Variants in MAOA observed in about 807,000 individuals in gnomAD.
MAOA encodes the protein amine oxidase [flavin-containing] A.
Under a neutral mutation model 42.0 loss-of-function variants are expected in MAOA, and 6 were observed. The observed-to-expected ratio is 0.14, with a 90% CI of 0.08 to 0.28. MAOA has a LOEUF of 0.28. Ranked by LOEUF, MAOA falls within the 10% of genes least tolerant of loss-of-function variation. The pLI is 1.00. For synonymous variants in MAOA, 140 were observed against 154.0 expected (o/e 0.91, Z 0.67); for missense variants, 262 against 422.3 (o/e 0.62, Z 3.33).
intron 1 of MAOA, among the ~76,000 whole-genome samples, chrX:43,658,852 A>C (rs994489106): frequency 1.2e-4 from 14 of 112,022 alleles, no homozygotes; most frequent in African/African-American, 4.6e-4. Flanking sequence ...TGAGTGTTTC[A>C]TGAGCGGGTG....
At chrX:43,742,705 C>A (rs1441884931) in intron 12 of MAOA, among the ~76,000 whole-genome samples, 1 of 112,014 alleles carries the variant, frequency 8.9e-6, no homozygotes, top group Non-Finnish European at 1.9e-5. Flanking sequence ...AGAGTCCTCC[C>A]AGCCTGGATG....
At chrX:43,710,780 A>C (rs1030552959) in intron 3 of MAOA, among the ~76,000 whole-genome samples, 2 of 112,008 alleles carry the variant, frequency 1.8e-5, no homozygotes, top group Non-Finnish European at 3.8e-5. Context: ...GGTTTCTAAT[A>C]ATGAATGAGC....
In MAOA at chrX:43,731,723, G is replaced by T; in HGVS notation, c.825G>T (p.Pro275=). Residue 275 remains proline (P), a synonymous_variant, in exon 8 of 15, where the codon CCG becomes CCT. Coordinates refer to ENST00000338702, the MANE Select transcript of MAOA (RefSeq NM_000240.4). ...ECKYVINAIP[P]TLTAKIHFRP... ...AATACGTAATTAATGCGATCCCTCC[G>T]ACCTTGACTGCCAAGATTCACTTCA... The T allele has an allele frequency of 1.7e-6, 2 of 1,211,081 alleles. No homozygotes were observed.
At position 43,743,913 on chromosome X, in the gene MAOA, G is replaced by A. The variant is rs1230407629; in HGVS notation, c.1374+8G>A. 7.7e-6 allele frequency: 9 copies of A among 1,168,609 alleles called. No homozygotes were observed. The highest frequency in any genetic ancestry group is 9.2e-6 in the Non-Finnish European group (8 of 873,550). On this transcript the variant is annotated splice_region_variant and intron_variant, in intron 13 of 14. Transcript: ENST00000338702. ...GAACGAGCAGCTAGGGAGGTAAGCA[G>A]GAAAGCCCAGGCTCTCTCCCTCCCG...
At chrX:43,719,155 C>T (rs749945216) in intron 5 of MAOA, among the ~76,000 whole-genome samples, 26 of 110,835 alleles carry the variant, frequency 2.3e-4, no homozygotes, top group African/African-American at 8.5e-4. Context: ...CAGTATCTTT[C>T]AGGAATGTGG....
At chrX:43,729,962 G>C (rs751782963) in intron 6 of MAOA, among the ~76,000 whole-genome samples, 3 of 110,638 alleles carry the variant, frequency 2.7e-5, no homozygotes, top group African/African-American at 9.9e-5. Flanking sequence ...TGGAGGCCAA[G>C]GAGGGTGGAT....
chrX:43,732,207 GC>G (rs1281307053), intron 8 of MAOA, among the ~76,000 whole-genome samples: 1 of 111,838 alleles, frequency 8.9e-6, no homozygotes, highest in African/African-American at 3.3e-5. Context: ...TTGCTTGCTA[GC>G]ATCAGTCTGT....
chrX:43,675,650 C>T (rs964711002), intron 1 of MAOA, among the ~76,000 whole-genome samples: 7 of 112,226 alleles, frequency 6.2e-5, no homozygotes, highest in Admixed American at 2.8e-4. Flanking sequence ...TGTTAGTTTC[C>T]CTTCTAACAG....
At chrX:43,706,129 T>C (rs530059632) in intron 3 of MAOA, among the ~76,000 whole-genome samples, 1 of 111,868 alleles carries the variant, frequency 8.9e-6, no homozygotes, top group Middle Eastern at 4.6e-3. Context: ...GTAAAGAAAA[T>C]GTTCTAAAAT....
At chrX:43,744,204 T>A in intron 14 of MAOA, 33 bp downstream of exon 14, 2 of 1,166,222 alleles carry the variant, frequency 1.7e-6, no homozygotes, top group East Asian at 3.0e-5. Flanking sequence ...CTATCTCTCC[T>A]TAGACCAATC....
At chrX:43,721,309 A>C (rs1441803858) in intron 5 of MAOA, among the ~76,000 whole-genome samples, 1 of 111,608 alleles carries the variant, frequency 9.0e-6, no homozygotes, top group Non-Finnish European at 1.9e-5. Flanking sequence ...CTGAGTGGAC[A>C]GTGTAGCTGG....
chrX:43,694,137 CAA>C (rs2033559472), intron 3 of MAOA, among the ~76,000 whole-genome samples: 1 of 111,601 alleles, frequency 9.0e-6, no homozygotes, highest in Admixed American at 9.5e-5. Context: ...CTTGAGAAAT[CAA>C]AGTTCCCATC....
In MAOA at chrX:43,686,452, G is replaced by A. The variant is rs190845845; in HGVS notation, c.168+2845G>A. Among the ~76,000 whole-genome samples, 59 of 112,342 alleles carry A rather than the reference G, an allele frequency of 5.3e-4. 2 individuals carry two copies. Among genetic ancestry groups the A allele is most frequent in the Admixed American group, 5.2e-3 (55 of 10,618 alleles). On this transcript the variant is annotated intron_variant, in intron 2 of 14. Transcript: ENST00000338702. ...AATCTCTGAAATGCTTGGAAATTAG[G>A]ACTTAGCATTTATACTCCAAATGAT...
In MAOA at chrX:43,711,852, T is replaced by G. The variant is rs767791639; in HGVS notation, c.307-20T>G. On this transcript the variant is annotated intron_variant, in intron 3 of 14. Transcript: ENST00000338702. The stretch of plus-strand genomic sequence containing the variant: ...AGATATTACTCTTTTTGATTGATTC[T>G]GTTTGCTTTTATGTTCTAGGGGAAA... 2.7e-6 allele frequency: 3 copies of G among 1,103,305 alleles called. No individual in the cohort carries two copies. Among genetic ancestry groups the G allele is most frequent in the Non-Finnish European group, 3.8e-6 (3 of 797,058 alleles). The allele number at this position is 1,103,305 out of a possible 1,213,427, so 90.9% of individuals were successfully genotyped here.
chrX:43,670,201 A>C (rs2033317678), intron 1 of MAOA, among the ~76,000 whole-genome samples: 1 of 112,330 alleles, frequency 8.9e-6, no homozygotes, highest in African/African-American at 3.2e-5. Context: ...TCTTAAGATT[A>C]TCACACAGTA....
In MAOA at chrX:43,704,407, A is replaced by C. The variant is rs75135752; in HGVS notation, c.307-7465A>C. Among the ~76,000 whole-genome samples the C allele has an allele frequency of 6.1e-4, 68 of 111,858 alleles. No homozygotes were observed. The East Asian group carries it at 0.019, about 30-fold the overall frequency. On this transcript the variant is annotated intron_variant, in intron 3 of 14. Coordinates refer to ENST00000338702, the MANE Select transcript of MAOA (RefSeq NM_000240.4). ...CAATAGCACGTGATCATCTCAATAGACGGAGCAGAAACATTTGACAAAATT... is the reference window on the plus strand; with the variant it reads ...CAATAGCACGTGATCATCTCAATAGCCGGAGCAGAAACATTTGACAAAATT...
At chrX:43,670,783 A>G (rs773788024) in intron 1 of MAOA, among the ~76,000 whole-genome samples, 1 of 109,371 alleles carries the variant, frequency 9.1e-6, no homozygotes, top group Non-Finnish European at 1.9e-5. Context: ...ATCATTTTTT[A>G]TGGCTGCATA....
intron 1 of MAOA, among the ~76,000 whole-genome samples, chrX:43,666,277 A>G (rs949464162): frequency 1.1e-4 from 12 of 111,982 alleles, no homozygotes; most frequent in African/African-American, 1.6e-4. Flanking sequence ...CTAAAACAAG[A>G]CACTTGATAT....
chrX:43,661,805 C>A (rs1378663868), intron 1 of MAOA, among the ~76,000 whole-genome samples: 1 of 111,094 alleles, frequency 9.0e-6, no homozygotes, highest in Non-Finnish European at 1.9e-5. Context: ...CGTAGAAAGA[C>A]CTCTTCATGT....
Sources: gnomAD v4.1 joint callset for allele counts (sites outside exome capture counted in the v4.1 genomes callset) on GRCh38, gnomAD v4.1.1 for gene constraint, MANE v1.5 for transcripts, NCBI Gene and HGNC (gene_info 2026-07-23, HGNC 2026-07-21) for gene names.